PPM1L: variants seen among roughly 807,000 people sequenced by gnomAD.
PPM1L encodes the protein protein phosphatase 1L.
Under a neutral mutation model 31.4 loss-of-function variants are expected in PPM1L, and 13 were observed. The observed-to-expected ratio is 0.41, with a 90% CI of 0.27 to 0.66. The LOEUF is 0.66. Ranked by LOEUF, PPM1L falls within the 30% of genes least tolerant of loss-of-function variation. The pLI is 0.29. For synonymous variants in PPM1L, 184 were observed against 175.4 expected, an observed-to-expected ratio of 1.05 and a Z score of -0.39; for missense variants, 326 against 453.7, an observed-to-expected ratio of 0.72 and a Z score of 2.56.
chr3:161,013,708 C>T (rs1001368864), intron 2 of PPM1L, among the ~76,000 whole-genome samples: 2 of 152,116 alleles, frequency 1.3e-5, no homozygotes. Flanking sequence ...CTGGGTGCTC[C>T]TGTATTGAGT....
intron 2 of PPM1L, among the ~76,000 whole-genome samples, chr3:161,058,976 A>G (rs562536565): frequency 1.3e-5 from 2 of 152,182 alleles, no homozygotes; most frequent in Non-Finnish European, 2.9e-5. Flanking sequence ...ACTTTTTTGT[A>G]TACTGTTACT....
At chr3:160,840,105 G>C (rs1057339145) in intron 1 of PPM1L, among the ~76,000 whole-genome samples, 2 of 152,190 alleles carry the variant, frequency 1.3e-5, no homozygotes, top group African/African-American at 2.4e-5. Context: ...CTTCTAATGA[G>C]TGATCCAGTA....
chr3:160,793,871 A>G (rs1200267310), intron 1 of PPM1L, among the ~76,000 whole-genome samples: 1 of 152,176 alleles, frequency 6.6e-6, no homozygotes, highest in Non-Finnish European at 1.5e-5. Flanking sequence ...CTCAGTTCTG[A>G]TTGTCAAGAC....
At chr3:161,048,379 G>A (rs1719151018) in intron 2 of PPM1L, among the ~76,000 whole-genome samples, 1 of 152,134 alleles carries the variant, frequency 6.6e-6, no homozygotes, top group Non-Finnish European at 1.5e-5. Flanking sequence ...ACCACAATGC[G>A]ATACCATCTC....
At chr3:160,899,564 C>T (rs1269806835) in intron 1 of PPM1L, among the ~76,000 whole-genome samples, 2 of 146,538 alleles carry the variant, frequency 1.4e-5, no homozygotes, top group African/African-American at 5.1e-5. Context: ...GGTCACTTCA[C>T]TTAGGTTTGG....
Position 161,069,290 on chromosome 3 carries a change from CT to C in PPM1L, c.*135del. On this transcript the variant is annotated 3_prime_UTR_variant, in exon 4 of 4. Transcript: ENST00000498165. ...CATGGAATCCCCCCTCCCTGGTGGT[CT>C]TAGGTCTATAATCAGTGACGAACAG... The C allele has an allele frequency of 2.8e-6, 2 of 712,848 alleles. No homozygotes were observed. The highest frequency in any genetic ancestry group is 4.5e-6 in the Non-Finnish European group (2 of 440,552). The allele number at this position is 712,848 out of a possible 1,614,324, so 44.2% of individuals were successfully genotyped here. A position where few individuals can be genotyped will look rare whatever the true frequency, so the allele number is the denominator to read the frequency against.
chr3:160,948,758 T>G (rs79951079), intron 1 of PPM1L, among the ~76,000 whole-genome samples: 4,326 of 152,230 alleles, frequency 0.028, 109 homozygotes, highest in South Asian at 0.12. Context: ...TGTAGGAACG[T>G]CATTGCATAT....
chr3:160,829,785 T>C (rs1229561612), intron 1 of PPM1L, among the ~76,000 whole-genome samples: 1 of 152,152 alleles, frequency 6.6e-6, no homozygotes, highest in East Asian at 1.9e-4. Context: ...GCAGCAGCTT[T>C]GGTTTATCAG....
intron 2 of PPM1L, among the ~76,000 whole-genome samples, chr3:161,044,146 T>G (rs1411634359): frequency 6.6e-6 from 1 of 152,020 alleles, no homozygotes; most frequent in African/African-American, 2.4e-5. Context: ...TTCAAGCAAT[T>G]CTCCTGCCTC....
chr3:161,031,521 G>C (rs1320694896), intron 2 of PPM1L, among the ~76,000 whole-genome samples: 1 of 30,616 alleles, frequency 3.3e-5, no homozygotes. Context: ...TTTTTTTTGA[G>C]AGAGAGTCTC....
Position 161,074,028 on chromosome 3 carries a change from C to A in PPM1L, c.*4871C>A, listed in dbSNP as rs1265985393. 1 of 151,960 alleles carries A rather than the reference C, an allele frequency of 6.6e-6. No homozygotes were observed. Among genetic ancestry groups the A allele is most frequent in the Non-Finnish European group, 1.5e-5 (1 of 67,992 alleles). The allele number at this position is 151,960 out of a possible 1,614,324, so 9.4% of individuals were successfully genotyped here. Reference sequence around the variant, plus strand: ...TTACTATATGATATTTAAAAATATACAGAAAATCACAGAAAAGGAAAAACA... The same window carrying A: ...TTACTATATGATATTTAAAAATATAAAGAAAATCACAGAAAAGGAAAAACA... On this transcript the variant is annotated 3_prime_UTR_variant, in exon 4 of 4. Transcript: ENST00000498165.
intron 2 of PPM1L, among the ~76,000 whole-genome samples, chr3:161,018,324 GA>G (rs1425810261): frequency 6.6e-6 from 1 of 152,044 alleles, no homozygotes; most frequent in African/African-American, 2.4e-5. Flanking sequence ...CCCTAAATAA[GA>G]ATATTTCATG....
intron 1 of PPM1L, among the ~76,000 whole-genome samples, chr3:160,790,133 T>G (rs1000482021): frequency 3.3e-5 from 5 of 152,112 alleles, no homozygotes; most frequent in African/African-American, 7.2e-5. Context: ...CATGATTGGT[T>G]GAGTCTAAGG....
chr3:160,861,366 A>G (rs994751850), intron 1 of PPM1L, among the ~76,000 whole-genome samples: 1 of 152,240 alleles, frequency 6.6e-6, no homozygotes, highest in Non-Finnish European at 1.5e-5. Context: ...TAGATCATTT[A>G]GACAGGATGG....
At chr3:160,820,967 A>T (rs1713182597) in intron 1 of PPM1L, among the ~76,000 whole-genome samples, 1 of 152,094 alleles carries the variant, frequency 6.6e-6, no homozygotes. Flanking sequence ...AGCTATTACT[A>T]AATTGTTCTC....
chr3:161,043,451 G>C (rs967677998), intron 2 of PPM1L, among the ~76,000 whole-genome samples: 1 of 152,134 alleles, frequency 6.6e-6, no homozygotes, highest in Non-Finnish European at 1.5e-5. Flanking sequence ...AAACGTTTGG[G>C]ACTGTAACTG....
At chr3:160,938,634 A>G (rs1056475366) in intron 1 of PPM1L, among the ~76,000 whole-genome samples, 2 of 152,226 alleles carry the variant, frequency 1.3e-5, no homozygotes, top group Non-Finnish European at 2.9e-5. Flanking sequence ...ACTAAAATTT[A>G]TGGAATAAAA....
At chr3:160,970,290 G>A (rs1278355243) in intron 2 of PPM1L, among the ~76,000 whole-genome samples, 4 of 152,082 alleles carry the variant, frequency 2.6e-5, no homozygotes, top group Admixed American at 2.6e-4. Flanking sequence ...TAATGCAGAC[G>A]ATTACTAGCC....
intron 1 of PPM1L, among the ~76,000 whole-genome samples, chr3:160,820,192 G>T (rs1270645478): frequency 6.6e-6 from 1 of 152,018 alleles, no homozygotes; most frequent in Non-Finnish European, 1.5e-5. Flanking sequence ...ATGAGAGAAT[G>T]CAGTATTGCA....
Sources: gnomAD v4.1 joint callset for allele counts (sites outside exome capture counted in the v4.1 genomes callset) on GRCh38, gnomAD v4.1.1 for gene constraint, MANE v1.5 for transcripts, NCBI Gene and HGNC (gene_info 2026-07-23, HGNC 2026-07-21) for gene names.